TCF7L2: variants seen among roughly 807,000 people sequenced by gnomAD.
TCF7L2 encodes the protein transcription factor 7 like 2, also known as transcription factor 7-like 2.
Under a neutral mutation model 77.9 loss-of-function variants are expected in TCF7L2, and 23 were observed. The ratio of observed to expected loss-of-function variants is 0.30; its 90% CI spans 0.21 to 0.42. The LOEUF (loss-of-function observed/expected upper bound fraction) is 0.42, where lower values mean the gene tolerates loss of function less well. Ranked by LOEUF, TCF7L2 falls within the 10% of genes least tolerant of loss-of-function variation. TCF7L2 has a pLI of 1.00. For synonymous variants in TCF7L2, 413 were observed against 340.2 expected, an observed-to-expected ratio of 1.21 and a Z score of -2.36; for missense variants, 654 against 793.1, an observed-to-expected ratio of 0.82 and a Z score of 2.11.
At chr10:113,073,846 C>A (rs1440487418) in intron 5 of TCF7L2, among the ~76,000 whole-genome samples, 2 of 152,246 alleles carry the variant, frequency 1.3e-5, no homozygotes, top group African/African-American at 4.8e-5. Context: ...CCCATCCTTG[C>A]GGCCTGGACG....
intron 10 of TCF7L2, 46 bp from the exon 11 acceptor site, chr10:113,152,275 CTTTCATGCTTTT>C: frequency 6.9e-7 from 1 of 1,449,170 alleles, no homozygotes; most frequent in Non-Finnish European, 9.7e-7. Context: ...GTGTGATGTT[CTTTCATGCTTTT>C]CTCTTTGTTC....
chr10:113,136,188 A>G (rs1247866997), intron 5 of TCF7L2, among the ~76,000 whole-genome samples: 1 of 152,204 alleles, frequency 6.6e-6, no homozygotes, highest in Non-Finnish European at 1.5e-5. Context: ...GATTTCCTAG[A>G]ATAAAGCATG....
intron 5 of TCF7L2, among the ~76,000 whole-genome samples, chr10:113,081,460 C>G (rs902689884): frequency 6.6e-6 from 1 of 152,214 alleles, no homozygotes; most frequent in Non-Finnish European, 1.5e-5. Context: ...TAATGTTCTT[C>G]CATAGCCAGT....
At chr10:112,964,816 G>GTGGTGGTGATGGTGGT (rs1331506565) in intron 4 of TCF7L2, among the ~76,000 whole-genome samples, 192 bp downstream of exon 4, 3 of 148,066 alleles carry the variant, frequency 2.0e-5, no homozygotes, top group South Asian at 2.2e-4. Flanking sequence ...TGGTGGTGGG[G>GTGGTGGTGATGGTGGT]GGGGGTTGAA....
At chr10:112,980,141 G>A (rs1172852522) in intron 4 of TCF7L2, among the ~76,000 whole-genome samples, 1 of 152,222 alleles carries the variant, frequency 6.6e-6, no homozygotes, top group Admixed American at 6.5e-5. Context: ...TCCTGAGGGT[G>A]GGGTATACAC....
intron 4 of TCF7L2, among the ~76,000 whole-genome samples, 191 bp downstream of exon 4, chr10:112,964,815 G>GGTGGTGATGGT (rs2036309010): frequency 9.4e-6 from 1 of 106,612 alleles, no homozygotes. Context: ...GTGGTGGTGG[G>GGTGGTGATGGT]GGGGGGTTGA....
intron 5 of TCF7L2, among the ~76,000 whole-genome samples, chr10:113,108,848 T>A (rs2062755665): frequency 6.6e-6 from 1 of 152,228 alleles, no homozygotes; most frequent in South Asian, 2.1e-4. Flanking sequence ...TAACATATTC[T>A]CCCATTCCCT....
At chr10:113,045,167 A>G (rs1213544905) in intron 5 of TCF7L2, among the ~76,000 whole-genome samples, 1 of 152,116 alleles carries the variant, frequency 6.6e-6, no homozygotes, top group Non-Finnish European at 1.5e-5. Flanking sequence ...TTCTGCAAAT[A>G]TTTAGTGTGG....
intron 11 of TCF7L2, among the ~76,000 whole-genome samples, chr10:113,154,113 C>G (rs901719250): frequency 1.3e-5 from 2 of 152,188 alleles, no homozygotes; most frequent in African/African-American, 4.8e-5. Flanking sequence ...CTGCTTGGGA[C>G]CTTTCTGTTT....
At chr10:113,156,940 T>C (rs140616442) in intron 11 of TCF7L2, among the ~76,000 whole-genome samples, 345 of 152,332 alleles carry the variant, frequency 2.3e-3, no homozygotes, top group African/African-American at 7.6e-3. Context: ...GTTGTGATGA[T>C]TAAAATGAGT....
At chr10:113,029,821 G>A (rs893701424) in intron 4 of TCF7L2, among the ~76,000 whole-genome samples, 32 of 151,962 alleles carry the variant, frequency 2.1e-4, no homozygotes, top group East Asian at 9.7e-4. Context: ...GAGCCACCGC[G>A]CCAAGCCTCC....
chr10:112,980,500 G>A (rs1046309537), intron 4 of TCF7L2, among the ~76,000 whole-genome samples: 8 of 152,264 alleles, frequency 5.3e-5, no homozygotes, highest in Admixed American at 5.2e-4. Flanking sequence ...CAATTCAGGA[G>A]TGTTCCGGGA....
intron 4 of TCF7L2, among the ~76,000 whole-genome samples, chr10:112,980,090 CTCTG>C (rs2040200720): frequency 6.6e-6 from 1 of 152,168 alleles, no homozygotes; most frequent in Non-Finnish European, 1.5e-5. Context: ...TTATGGGGGA[CTCTG>C]TCTGGTTTGG....
chr10:113,082,093 C>T (rs1192939032), intron 5 of TCF7L2, among the ~76,000 whole-genome samples: 1 of 151,412 alleles, frequency 6.6e-6, no homozygotes, highest in African/African-American at 2.4e-5. Context: ...CTGCCTTGAC[C>T]TCCCAAAGTG....
chr10:113,144,551 C>T (rs181516832), intron 7 of TCF7L2, among the ~76,000 whole-genome samples: 17 of 152,314 alleles, frequency 1.1e-4, no homozygotes, highest in African/African-American at 4.1e-4. Flanking sequence ...GACCCCCCAC[C>T]TCATCCTGAA....
intron 11 of TCF7L2, among the ~76,000 whole-genome samples, chr10:113,153,359 A>G (rs1451655941): frequency 6.6e-6 from 1 of 152,070 alleles, no homozygotes; most frequent in African/African-American, 2.4e-5. Flanking sequence ...CCGTGAAGGG[A>G]TTTCACCATC....
rs191252482 is a variant in TCF7L2, at chr10:113,088,647, G to T, written c.552+48521G>T. ...AAGACTGTCGCCTGGCAGAGGAAAA[G>T]GTGTTAAGGTATGAGTGAAGACAGA... On this transcript the variant is annotated intron_variant, in intron 5 of 13. Coordinates refer to ENST00000627217, the MANE Select transcript of TCF7L2 (RefSeq NM_001146274.2). Among the ~76,000 whole-genome samples the T allele has an allele frequency of 2.1e-3, 327 of 152,218 alleles. 3 individuals are homozygous for T. The highest frequency in any genetic ancestry group is 9.6e-4 in the East Asian group (5 of 5,184).
intron 4 of TCF7L2, among the ~76,000 whole-genome samples, chr10:113,020,080 G>A (rs549346987): frequency 6.6e-6 from 1 of 152,188 alleles, no homozygotes; most frequent in African/African-American, 2.4e-5. Flanking sequence ...GCTGTGGCCC[G>A]AGGGTAAGCT....
At chr10:113,005,701 G>A (rs144625727) in intron 4 of TCF7L2, among the ~76,000 whole-genome samples, 56 of 152,278 alleles carry the variant, frequency 3.7e-4, no homozygotes, top group African/African-American at 1.3e-3. Context: ...CTGCAAAGGG[G>A]TTGGCTGGGG....
Sources: gnomAD v4.1 joint callset for allele counts (sites outside exome capture counted in the v4.1 genomes callset) on GRCh38, gnomAD v4.1.1 for gene constraint, MANE v1.5 for transcripts, NCBI Gene and HGNC (gene_info 2026-07-23, HGNC 2026-07-21) for gene names.